SELENOV: variants seen among roughly 807,000 people sequenced by gnomAD.
SELENOV encodes selenoprotein V.
SELENOV carries 25 observed loss-of-function variants against 21.6 expected under a neutral mutation model. That is an observed-to-expected ratio of 1.16 (90% CI 0.84 to 1.62). The LOEUF (loss-of-function observed/expected upper bound fraction) is 1.62. Ranked by LOEUF, SELENOV falls within the 40% of genes most tolerant of loss-of-function variation. The probability of loss-of-function intolerance (pLI) is 0.00; values close to 1 mark genes in which losing one functional copy is unlikely to be tolerated. For missense variants in SELENOV, 472 were observed against 459.0 expected (o/e 1.03, Z -0.26); for synonymous variants, 227 against 216.9 (o/e 1.05, Z -0.41).
chr19:39,518,626 C>A, exon 2 of SELENOV: 1 of 1,607,480 alleles, frequency 6.2e-7, no homozygotes, highest in Non-Finnish European at 8.5e-7. Flanking sequence ...GAAGCTATAG[C>A]CTTCGGGTGA....
At chr19:39,518,344 T>C in intron 1 of SELENOV, 1 of 534,516 alleles carries the variant, frequency 1.9e-6, no homozygotes. Context: ...GGGGCTTCTG[T>C]GGCTGGCACA....
intron 1 of SELENOV, among the ~76,000 whole-genome samples, chr19:39,516,923 T>A (rs540176016): frequency 6.6e-6 from 1 of 152,166 alleles, no homozygotes; most frequent in East Asian, 1.9e-4. Context: ...GGTCTCGATC[T>A]TCTGACCTCG....
At chr19:39,517,831 G>A (rs1418979166) in intron 1 of SELENOV, among the ~76,000 whole-genome samples, 1 of 151,530 alleles carries the variant, frequency 6.6e-6, no homozygotes, top group Non-Finnish European at 1.5e-5. Flanking sequence ...GGGTGTGATG[G>A]TGCATGCCTG....
rs893217086 is a variant in SELENOV, at chr19:39,518,303, A to G, written c.810-305A>G. Among the ~76,000 whole-genome samples the G allele has an allele frequency of 6.2e-4, 94 of 150,440 alleles. 1 individual carries two copies. The East Asian group carries it at 0.013, about 22-fold the overall frequency. ...CAAAAAAACAAAAAAACAAAAAAAA[A>G]AGAGAGAGAGAGAGAAAGAAAGATG... On this transcript the variant is annotated intron_variant, in intron 1 of 5. Coordinates refer to ENST00000335426, the Ensembl canonical transcript of SELENOV.
rs753580196 is a variant in SELENOV at position 39,518,891 on chromosome 19, A to C, written c.889-12A>C. On this transcript the variant is annotated splice_polypyrimidine_tract_variant and intron_variant, in intron 3 of 5. Coordinates refer to ENST00000335426, the Ensembl canonical transcript of SELENOV. ...GAGCTTAGCCTCCCCTACGCTCACCATTTCCTCCCAGGAGGAGGACAGAGC... is the reference window on the plus strand; with the variant it reads ...GAGCTTAGCCTCCCCTACGCTCACCCTTTCCTCCCAGGAGGAGGACAGAGC... 6.2e-6 allele frequency: 10 copies of C among 1,613,620 alleles called. No homozygotes were observed. The Admixed American group carries it at 1.5e-4, about 24-fold the overall frequency.
At chr19:39,517,196 T>C (rs1202818739) in intron 1 of SELENOV, among the ~76,000 whole-genome samples, 1 of 152,110 alleles carries the variant, frequency 6.6e-6, no homozygotes, top group Non-Finnish European at 1.5e-5. Context: ...GTGTTTCTGC[T>C]TCTCCCTATC....
intron 2 of SELENOV, 39 bp downstream of exon 2, chr19:39,518,671 G>T (rs201697297): frequency 1.1e-5 from 17 of 1,612,872 alleles, no homozygotes; most frequent in Non-Finnish European, 8.5e-7. Context: ...GGAGCCTGAG[G>T]CAGGAAGACT....
intron 1 of SELENOV, 152 bp downstream of exon 1, chr19:39,516,173 G>C: frequency 1.4e-6 from 1 of 727,810 alleles, no homozygotes; most frequent in Non-Finnish European, 2.4e-6. Context: ...TTGGAAACCC[G>C]CTCTTGTCTC....
intron 1 of SELENOV, among the ~76,000 whole-genome samples, chr19:39,518,202 C>T (rs1048977486): frequency 5.4e-5 from 8 of 147,484 alleles, no homozygotes; most frequent in African/African-American, 7.5e-5. Flanking sequence ...ACCCGGGAGG[C>T]GGAGCTTGCA....
chr19:39,515,557 C>A lies in SELENOV; in HGVS notation c.345C>A (p.Thr115=), dbSNP rs1182687275. ...CTCCGGTCCCGACTCCGGCTCGGACCCTGACTCCTCCAGTCCGGGTCCCAG... is the reference window on the plus strand; with the variant it reads ...CTCCGGTCCCGACTCCGGCTCGGACACTGACTCCTCCAGTCCGGGTCCCAG... The change falls in exon 1 of 6, where the codon ACC becomes ACA. Residue 115 remains threonine (T), a synonymous_variant. Transcript: ENST00000335426. This position sits in a 1 kb window ranked among gnomAD's most constrained non-coding sequence, Gnocchi z 5.1. 1 of 1,549,920 alleles carries A rather than the reference C, an allele frequency of 6.5e-7. No individual in the cohort carries two copies. Among genetic ancestry groups the A allele is most frequent in the South Asian group, 1.2e-5 (1 of 84,054 alleles).
chr19:39,519,964 C>CA (rs5828040), intron 5 of SELENOV, among the ~76,000 whole-genome samples, 182 bp from the exon 6 acceptor site: 2,065 of 76,604 alleles, frequency 0.027, 51 homozygotes, highest in Middle Eastern at 0.037. Context: ...GACTCTGTCT[C>CA]AAAAAAAAAA....
exon 5 of SELENOV, chr19:39,519,107 A>C: frequency 6.2e-7 from 1 of 1,613,760 alleles, no homozygotes; most frequent in East Asian, 2.2e-5. Context: ...CAGGCTGCAG[A>C]AAATTGTGAG....
chr19:39,515,715 A>G lies in SELENOV; in HGVS notation c.503A>G (p.Asp168Gly). 6.5e-7 allele frequency: 1 copy of G among 1,549,162 alleles called. No individual in the cohort carries two copies. Among genetic ancestry groups the G allele is most frequent in the Non-Finnish European group, 8.7e-7 (1 of 1,146,696 alleles). ...GAGCTGCCTTTGTTGCCCGAGGAGG[A>G]CCCTGAGCCGGCGCCGAGCCTGAAG... The change falls in exon 1 of 6, where the codon GAC becomes GGC. Residue 168 changes from aspartate (D) to glycine (G), a missense_variant. Physicochemically the swap from Asp to Gly is moderately conservative, Grantham distance 94 (BLOSUM62 -1). Transcript: ENST00000335426. The surrounding 1 kb of genome is among the most constrained non-coding windows in gnomAD (Gnocchi z 5.1).
chr19:39,515,344 G>A lies in SELENOV; in HGVS notation c.132G>A (p.Arg44=). The change falls in exon 1 of 6, where the codon CGG becomes CGA. Residue 44 remains arginine (R), a synonymous_variant. Coordinates refer to ENST00000335426, the Ensembl canonical transcript of SELENOV. The surrounding 1 kb of genome is among the most constrained non-coding windows in gnomAD (Gnocchi z 5.1). ...CGGTCCGGACTCGGACCCCCATCCG[G>A]ACCCTGACTCCAGTCCTGACTCCGT... 1.9e-6 allele frequency: 3 copies of A among 1,551,328 alleles called. No individual in the cohort carries two copies. The highest frequency in any genetic ancestry group is 2.6e-6 in the Non-Finnish European group (3 of 1,146,882).
In SELENOV at chr19:39,519,176, C is replaced by T. The variant is rs764303372; in HGVS notation, c.*22+6C>T. 85 of 1,603,974 alleles carry T rather than the reference C, an allele frequency of 5.3e-5. 1 individual carries two copies. The highest frequency in any genetic ancestry group is 1.3e-4 in the Admixed American group (8 of 59,674). On this transcript the variant is annotated splice_donor_region_variant and intron_variant, in intron 5 of 5. Transcript: ENST00000335426. Reference sequence around the variant, plus strand: ...GGCAAGGGGTGGAGCTGGAGGTGAGCGTGGAGCTCCCAAGGCTGCGGTGGG... The same window carrying T: ...GGCAAGGGGTGGAGCTGGAGGTGAGTGTGGAGCTCCCAAGGCTGCGGTGGG...
chr19:39,515,226 C>T lies in SELENOV; in HGVS notation c.14C>T (p.Ala5Val), dbSNP rs543769850. ...CCCCTGGGCCCCATGAATAACCAGG[C>T]GCGGACCCCAGCCCCCTCCTCGGCG... Residue 5 changes from alanine (A) to valine (V), a missense_variant, in exon 1 of 6, where the codon GCG becomes GTG. Coordinates refer to ENST00000335426, the Ensembl canonical transcript of SELENOV. This position sits in a 1 kb window ranked among gnomAD's most constrained non-coding sequence, Gnocchi z 5.1. 6.5e-7 allele frequency: 1 copy of T among 1,548,708 alleles called. No individual in the cohort carries two copies. The highest frequency in any genetic ancestry group is 1.2e-5 in the South Asian group (1 of 84,014).
In SELENOV at chr19:39,515,693, C is replaced by T; in HGVS notation, c.481C>T (p.Leu161=). The change falls in exon 1 of 6, where the codon CTG becomes TTG. Residue 161 remains leucine, a synonymous_variant. Coordinates refer to ENST00000335426, the Ensembl canonical transcript of SELENOV. The surrounding 1 kb of genome is among the most constrained non-coding windows in gnomAD (Gnocchi z 5.1). ...TCCGCCCCCGGAACCTGCTCCGGAG[C>T]TGCCTTTGTTGCCCGAGGAGGACCC... 1 of 1,549,206 alleles carries T rather than the reference C, an allele frequency of 6.5e-7. No homozygotes were observed.
chr19:39,519,013 G>T, intron 4 of SELENOV, 36 bp downstream of exon 4: 1 of 1,613,082 alleles, frequency 6.2e-7, no homozygotes, highest in South Asian at 1.1e-5. Flanking sequence ...AGGGAGGTGG[G>T]GTGGTGCTGA....
intron 5 of SELENOV, among the ~76,000 whole-genome samples, chr19:39,519,686 C>T (rs1345833382): frequency 6.7e-6 from 1 of 149,218 alleles, no homozygotes; most frequent in Non-Finnish European, 1.5e-5. Context: ...AAAAAAAGTG[C>T]CGGGCGGGAT....
Sources: allele counts gnomAD v4.1 joint callset (sites outside exome capture counted in the v4.1 genomes callset), GRCh38; gene constraint gnomAD v4.1.1; non-coding constraint Gnocchi (gnomAD v3.1); transcripts MANE v1.5; gene names NCBI Gene and HGNC (gene_info 2026-07-23, HGNC 2026-07-21).